ZBTB7B: variants seen among roughly 807,000 people sequenced by gnomAD.
ZBTB7B encodes the protein zinc finger and BTB domain containing 7B.
In ZBTB7B, 8 loss-of-function variants were observed where a neutral mutation model predicts 31.0. The observed-to-expected ratio is 0.26, with a 90% CI of 0.15 to 0.47. ZBTB7B has a LOEUF of 0.47. Among genes scored for constraint, ZBTB7B ranks in the 20% least tolerant of loss-of-function variants. The pLI is 0.99. For missense variants in ZBTB7B, 494 were observed against 742.4 expected, an observed-to-expected ratio of 0.67 and a Z score of 3.89; for synonymous variants, 261 against 307.3, an observed-to-expected ratio of 0.85 and a Z score of 1.58.
In ZBTB7B at chr1:155,016,277, C is replaced by T. The variant is rs983635024; in HGVS notation, c.1212C>T (p.Cys404=). The T allele has an allele frequency of 2.5e-6, 4 of 1,613,906 alleles. No individual in the cohort carries two copies. Among genetic ancestry groups the T allele is most frequent in the Non-Finnish European group, 3.4e-6 (4 of 1,179,980 alleles). ...RKHTGERPYS[C]PHCPARFLHS... ...ACACGGGAGAGCGCCCCTACTCATG[C>T]CCGCACTGCCCAGCCCGCTTCCTGC... Residue 404 remains cysteine (C), a synonymous_variant, in exon 3 of 3, where the codon TGC becomes TGT. Transcript: ENST00000535420. This position sits in a 1 kb window ranked among gnomAD's most constrained non-coding sequence, Gnocchi z 4.3.
intron 1 of ZBTB7B, among the ~76,000 whole-genome samples, chr1:155,012,934 A>G (rs1659100435): frequency 6.6e-6 from 1 of 151,938 alleles, no homozygotes; most frequent in Non-Finnish European, 1.5e-5. Flanking sequence ...AGTCTTTAAT[A>G]TTACATATGA....
intron 1 of ZBTB7B, among the ~76,000 whole-genome samples, chr1:155,006,339 G>T (rs541707744): frequency 1.4e-4 from 21 of 152,206 alleles, no homozygotes; most frequent in South Asian, 2.1e-4. Flanking sequence ...GCCAGCACTT[G>T]CCCTGACCAC....
At chr1:155,005,349 A>G (rs946297615) in intron 1 of ZBTB7B, among the ~76,000 whole-genome samples, 3 of 152,192 alleles carry the variant, frequency 2.0e-5, no homozygotes, top group African/African-American at 7.2e-5. Flanking sequence ...TGAGAGAACC[A>G]GCCCCTGATC....
intron 1 of ZBTB7B, chr1:155,014,023 C>G: frequency 1.0e-6 from 1 of 985,940 alleles, no homozygotes; most frequent in East Asian, 1.1e-4. Flanking sequence ...AGTGTCCTAA[C>G]CGCTTTGGAG....
intron 1 of ZBTB7B, among the ~76,000 whole-genome samples, chr1:155,008,250 T>G (rs1013837834): frequency 6.6e-5 from 10 of 152,056 alleles, no homozygotes; most frequent in African/African-American, 9.7e-5. Context: ...CTGGCCTGGT[T>G]GGCAGGGGTT....
chr1:155,014,524 T>A (rs1321514636), intron 1 of ZBTB7B, 131 bp from the exon 2 acceptor site: 2 of 756,726 alleles, frequency 2.6e-6, no homozygotes, highest in Non-Finnish European at 4.3e-6. Context: ...GAAGATGAAA[T>A]GAGTGTAAAG....
At chr1:155,013,540 G>A (rs1162153121) in intron 1 of ZBTB7B, among the ~76,000 whole-genome samples, 1 of 152,216 alleles carries the variant, frequency 6.6e-6, no homozygotes, top group Non-Finnish European at 1.5e-5. Flanking sequence ...CCCAACCCCT[G>A]CCGACACCTC....
chr1:155,002,448 C>A (rs1174503866), upstream of ZBTB7B, among the ~76,000 whole-genome samples: 3 of 120,218 alleles, frequency 2.5e-5, no homozygotes, highest in African/African-American at 6.4e-5. Flanking sequence ...GAGAAGGGGG[C>A]AAAAAAGGAG....
chr1:155,005,359 C>T (rs1436724316), intron 1 of ZBTB7B, among the ~76,000 whole-genome samples: 1 of 152,192 alleles, frequency 6.6e-6, no homozygotes. Context: ...AGCCCCTGAT[C>T]CTATGGCTGC....
At chr1:155,002,110 C>A (rs183868945), upstream of ZBTB7B, among the ~76,000 whole-genome samples, 2 of 152,104 alleles carry the variant, frequency 1.3e-5, no homozygotes, top group Non-Finnish European at 1.5e-5. Flanking sequence ...GCGGACACTG[C>A]CCCCTCCCCC....
At chr1:155,011,140 T>G in intron 1 of ZBTB7B, 1 of 892,504 alleles carries the variant, frequency 1.1e-6, no homozygotes, top group Non-Finnish European at 1.7e-6. Context: ...ACTCCCCTAA[T>G]CCCCAGGGTG....
Position 155,015,112 on chromosome 1 carries a change from C to T in ZBTB7B, c.452C>T (p.Pro151Leu), listed in dbSNP as rs1253587148. The stretch of plus-strand genomic sequence containing the variant: ...GGCAGTGGGCTAGAAGCTCCCAGCC[C>T]GGACGAGGATGACTGTGAGCGAGCC... ...LQGSGLEAPS[P>L]DEDDCERARQ... The change falls in exon 2 of 3, where the codon CCG (proline) becomes CTG (leucine). Residue 151 changes from proline (P) to leucine (L), a missense_variant. Coordinates refer to ENST00000535420, the MANE Select transcript of ZBTB7B (RefSeq NM_001256455.2). The T allele has an allele frequency of 7.4e-6, 12 of 1,613,398 alleles. No individual in the cohort carries two copies. The East Asian group carries it at 8.9e-5, about 12-fold the overall frequency.
intron 1 of ZBTB7B, 21 bp from the exon 2 acceptor site, chr1:155,014,634 C>A: frequency 1.3e-6 from 2 of 1,597,482 alleles, no homozygotes; most frequent in Non-Finnish European, 1.7e-6. Flanking sequence ...CTCTTAATCT[C>A]CCCTCTACTT....
chr1:155,012,333 T>A (rs755202632), intron 1 of ZBTB7B, among the ~76,000 whole-genome samples: 1 of 151,554 alleles, frequency 6.6e-6, no homozygotes, highest in Non-Finnish European at 1.5e-5. Flanking sequence ...TCCCAGCCAA[T>A]GGACAGCGAG....
rs974982124 is a variant in ZBTB7B, at chr1:155,016,710, C to G, written c.*25C>G. 1.0e-5 allele frequency: 14 copies of G among 1,337,732 alleles called. No individual in the cohort carries two copies. In the African/African-American group the frequency reaches 1.3e-4, roughly 13 times the overall value. The allele number at this position is 1,337,732 out of a possible 1,614,324, so 82.9% of individuals were successfully genotyped here. On this transcript the variant is annotated 3_prime_UTR_variant, in exon 3 of 3. Transcript: ENST00000535420. The surrounding 1 kb of genome is among the most constrained non-coding windows in gnomAD (Gnocchi z 4.3). The stretch of plus-strand genomic sequence containing the variant: ...AAGAGGGACGAGGGCCAGACTGAAG[C>G]AGCACAAGGCCGGGGACACCCATGC...
chr1:155,003,018 C>CTT lies in ZBTB7B; in HGVS notation c.-7+75_-7+76insTT, dbSNP rs1250382695. The CTT allele has an allele frequency of 7.9e-5, 12 of 152,836 alleles. No homozygotes were observed. Among genetic ancestry groups the CTT allele is most frequent in the Admixed American group, 5.2e-4 (8 of 15,314 alleles). 9.5% of individuals were successfully genotyped at this position (152,836 alleles called of 1,614,324 possible). A position where few individuals can be genotyped will look rare whatever the true frequency, so the allele number is the denominator to read the frequency against. On this transcript the variant is annotated intron_variant, in intron 1 of 2. Coordinates refer to ENST00000535420, the MANE Select transcript of ZBTB7B (RefSeq NM_001256455.2). The surrounding 1 kb of genome is among the most constrained non-coding windows in gnomAD (Gnocchi z 5.8). ...GACTACTGCAGTGTCCTTCGTCCGT[C>CTT]CTGTAAGTGGGACCCCCAGATACAC...
chr1:155,009,537 C>T (rs942188365), intron 1 of ZBTB7B, among the ~76,000 whole-genome samples: 2 of 152,046 alleles, frequency 1.3e-5, no homozygotes, highest in Non-Finnish European at 2.9e-5. Context: ...GGGCACCCTC[C>T]GGGGAAAGTC....
In ZBTB7B at chr1:155,015,152, G is replaced by A. The variant is rs1659264744; in HGVS notation, c.492G>A (p.Glu164=). Residue 164 remains glutamate (E), a synonymous_variant, in exon 2 of 3, where the codon GAG becomes GAA. Coordinates refer to ENST00000535420, the MANE Select transcript of ZBTB7B (RefSeq NM_001256455.2). ...GTGAGCGAGCCCGCCAGTATCTGGA[G>A]GCCTTTGCCACAGCCACGGCCTCTG... is the stretch of plus-strand genomic sequence containing the variant. ...DDCERARQYL[E]AFATATASGV... The A allele has an allele frequency of 6.2e-7, 1 of 1,613,748 alleles. No homozygotes were observed. The highest frequency in any genetic ancestry group is 2.2e-5 in the East Asian group (1 of 44,882).
At chr1:155,013,626 A>G (rs1308911777) in intron 1 of ZBTB7B, among the ~76,000 whole-genome samples, 1 of 149,484 alleles carries the variant, frequency 6.7e-6, no homozygotes, top group Non-Finnish European at 1.5e-5. Flanking sequence ...TGGAGGGTAA[A>G]GGATAGAGAG....
Sources: allele counts gnomAD v4.1 joint callset (sites outside exome capture counted in the v4.1 genomes callset), GRCh38; gene constraint gnomAD v4.1.1; non-coding constraint Gnocchi (gnomAD v3.1); transcripts MANE v1.5; gene names NCBI Gene and HGNC (gene_info 2026-07-23, HGNC 2026-07-21).